The following TGFBR1 variants were observed in gnomAD, a reference collection of about 807,000 sequenced individuals.
The protein encoded by TGFBR1 is TGF-beta receptor type-1.
A neutral mutation model predicts 55.1 loss-of-function variants in TGFBR1; 20 were observed. That is an observed-to-expected ratio of 0.36 (90% CI 0.26 to 0.53). The LOEUF is 0.53. TGFBR1 is among the 20% of genes least tolerant of loss of function. The pLI is 0.91. For synonymous variants in TGFBR1, 220 were observed against 214.8 expected (o/e 1.02, Z -0.21); for missense variants, 385 against 617.6 (o/e 0.62, Z 3.99).
In TGFBR1 at chr9:99,149,293, C is replaced by A; in HGVS notation, c.1500C>A (p.Gly500=). The A allele has an allele frequency of 6.2e-7, 1 of 1,613,748 alleles. No individual in the cohort carries two copies. Among genetic ancestry groups the A allele is most frequent in the Non-Finnish European group, 8.5e-7 (1 of 1,179,782 alleles). Residue 500 remains glycine, a synonymous_variant, in exon 9 of 9, where the codon GGC becomes GGA. Coordinates refer to ENST00000374994, the MANE Select transcript of TGFBR1 (RefSeq NM_004612.4). The part of the protein sequence containing the change: ...KTLSQLSQQE[G]IKM Reference sequence around the variant, plus strand: ...TATCGCAACTCAGTCAACAGGAAGGCATCAAAATGTAATTCTACAGCTTTG... The same window carrying A: ...TATCGCAACTCAGTCAACAGGAAGGAATCAAAATGTAATTCTACAGCTTTG...
At chr9:99,141,289 A>G (rs1483147752) in intron 4 of TGFBR1, among the ~76,000 whole-genome samples, 1 of 152,254 alleles carries the variant, frequency 6.6e-6, no homozygotes, top group Admixed American at 6.5e-5. Flanking sequence ...TGAAGAACAA[A>G]TTAATACTAA....
chr9:99,109,711 G>T (rs973337625), intron 1 of TGFBR1, among the ~76,000 whole-genome samples: 1 of 152,188 alleles, frequency 6.6e-6, no homozygotes, highest in South Asian at 2.1e-4. Context: ...CATGGCTTAC[G>T]TAACACAGAG....
Position 99,150,034 on chromosome 9 carries a change from A to G in TGFBR1, c.*729A>G, listed in dbSNP as rs1827936111. On this transcript the variant is annotated 3_prime_UTR_variant, in exon 9 of 9. Transcript: ENST00000374994. The stretch of plus-strand genomic sequence containing the variant: ...TAAAACCTATAGTGTTTGAATTCAA[A>G]AAGCTTATTTATCTGGGTAACCCAA... 1 of 188,404 alleles carries G rather than the reference A, an allele frequency of 5.3e-6. No individual in the cohort carries two copies. Among genetic ancestry groups the G allele is most frequent in the Admixed American group, 6.2e-5 (1 of 16,212 alleles). 11.7% of individuals were successfully genotyped at this position (188,404 alleles called of 1,614,324 possible).
chr9:99,127,985 A>T (rs914629648), intron 1 of TGFBR1: 2 of 455,904 alleles, frequency 4.4e-6, no homozygotes, highest in Non-Finnish European at 8.8e-6. Context: ...AGAAAGAAAA[A>T]CAAAACTAGC....
upstream of TGFBR1, chr9:99,105,047 G>GGT: frequency 2.0e-6 from 1 of 496,850 alleles, no homozygotes; most frequent in Non-Finnish European, 2.7e-6. Flanking sequence ...GGGGCCGGCG[G>GGT]GAGCCCGGCA....
chr9:99,110,352 C>CT (rs1016710134), intron 1 of TGFBR1, among the ~76,000 whole-genome samples: 1 of 151,640 alleles, frequency 6.6e-6, no homozygotes, highest in Non-Finnish European at 1.5e-5. Flanking sequence ...TCTCTTCTCT[C>CT]TTTTTTTTTC....
chr9:99,126,233 T>C (rs927913680), intron 1 of TGFBR1, among the ~76,000 whole-genome samples: 4 of 152,164 alleles, frequency 2.6e-5, no homozygotes, highest in African/African-American at 9.7e-5. Flanking sequence ...GCATTTGCCA[T>C]GTGAGAAGTA....
chr9:99,143,693 T>C (rs2118792417), intron 5 of TGFBR1, among the ~76,000 whole-genome samples: 1 of 152,224 alleles, frequency 6.6e-6, no homozygotes, highest in African/African-American at 2.4e-5. Context: ...ACTTAAAGTG[T>C]AAAATTCAGT....
chr9:99,127,693 T>C (rs1311685183), intron 1 of TGFBR1: 1 of 337,018 alleles, frequency 3.0e-6, no homozygotes, highest in Non-Finnish European at 5.8e-6. Context: ...ACTCCTTTTC[T>C]AGGTAGAGTG....
rs1333264788 is a variant in TGFBR1, at chr9:99,153,554, G to A, written c.*4249G>A. On this transcript the variant is annotated 3_prime_UTR_variant, in exon 9 of 9. Transcript: ENST00000374994. ...TTGTATTTGTAGTAATATTCCAAAAGAATGTAAATAGGAAATAGAAGAGTG... is the reference window on the plus strand; with the variant it reads ...TTGTATTTGTAGTAATATTCCAAAAAAATGTAAATAGGAAATAGAAGAGTG... The A allele has an allele frequency of 5.2e-6, 1 of 193,384 alleles. No individual in the cohort carries two copies. The highest frequency in any genetic ancestry group is 1.1e-5 in the Non-Finnish European group (1 of 92,230). The allele number at this position is 193,384 out of a possible 1,614,324, so 12.0% of individuals were successfully genotyped here. A position where few individuals can be genotyped will look rare whatever the true frequency, so the allele number is the denominator to read the frequency against.
At chr9:99,140,277 A>T (rs543049210) in intron 4 of TGFBR1, among the ~76,000 whole-genome samples, 4 of 152,168 alleles carry the variant, frequency 2.6e-5, no homozygotes, top group South Asian at 2.1e-4. Flanking sequence ...AGATGATGAA[A>T]CCCCATCTCT....
chr9:99,112,248 A>C (rs1259566315), intron 1 of TGFBR1, among the ~76,000 whole-genome samples: 1 of 152,150 alleles, frequency 6.6e-6, no homozygotes, highest in Non-Finnish European at 1.5e-5. Context: ...ATTTGAAACA[A>C]AGAAATCAGA....
intron 4 of TGFBR1, among the ~76,000 whole-genome samples, chr9:99,138,437 GCTCAGATAGCTGTT>G (rs1827507395): frequency 6.6e-6 from 1 of 152,310 alleles, no homozygotes; most frequent in East Asian, 1.9e-4. Flanking sequence ...TGAGAATAGG[GCTCAGATAGCTGTT>G]TCCTTTTAAT....
At chr9:99,132,072 T>G (rs1827246945) in intron 2 of TGFBR1, among the ~76,000 whole-genome samples, 1 of 152,118 alleles carries the variant, frequency 6.6e-6, no homozygotes, top group Non-Finnish European at 1.5e-5. Flanking sequence ...GATATTTTGT[T>G]GTTTTTTTTG....
chr9:99,144,688 G>GGT (rs1390841145), intron 5 of TGFBR1, 44 bp from the exon 6 acceptor site: 1 of 1,610,100 alleles, frequency 6.2e-7, no homozygotes, highest in Admixed American at 1.7e-5. Flanking sequence ...AGTTGTGATT[G>GGT]GTATTACCTT....
At chr9:99,117,837 A>G (rs904148378) in intron 1 of TGFBR1, among the ~76,000 whole-genome samples, 6 of 152,192 alleles carry the variant, frequency 3.9e-5, no homozygotes, top group African/African-American at 1.4e-4. Context: ...TTCAGAATCA[A>G]CTTGTCAGTT....
chr9:99,114,196 T>C (rs1206586009), intron 1 of TGFBR1, among the ~76,000 whole-genome samples: 1 of 152,148 alleles, frequency 6.6e-6, no homozygotes, highest in Non-Finnish European at 1.5e-5. Context: ...TAATAGCAAA[T>C]TCAGTAAGAC....
At chr9:99,113,804 A>G (rs1051404831) in intron 1 of TGFBR1, among the ~76,000 whole-genome samples, 2 of 152,370 alleles carry the variant, frequency 1.3e-5, no homozygotes, top group East Asian at 1.9e-4. Flanking sequence ...ATTCAGCTCA[A>G]TGTAAGGAAT....
chr9:99,132,599 T>G lies in TGFBR1; in HGVS notation c.434T>G (p.Val145Gly), dbSNP rs775267361. 1.2e-6 allele frequency: 2 copies of G among 1,614,032 alleles called. No individual in the cohort carries two copies. The highest frequency in any genetic ancestry group is 3.3e-5 in the Admixed American group (2 of 60,000). ...GTCTGCATCTCACTCATGTTGATGG[T>G]CTATATCTGCCACAACCGCACTGTC... The part of the protein sequence containing the change: ...CFVCISLMLM[V>G]YICHNRTVIH... The change falls in exon 3 of 9, where the codon GTC becomes GGC. Residue 145 changes from valine (V) to glycine (G), a missense_variant. By Grantham distance (109) the Val-to-Gly change is moderately radical. Transcript: ENST00000374994.
Sources: allele counts gnomAD v4.1 joint callset (sites outside exome capture counted in the v4.1 genomes callset), GRCh38; gene constraint gnomAD v4.1.1; transcripts MANE v1.5; gene names NCBI Gene and HGNC (gene_info 2026-07-23, HGNC 2026-07-21).